PROCA1: variants seen among roughly 807,000 people sequenced by gnomAD.
PROCA1 encodes protein PROCA1.
A neutral mutation model predicts 23.2 loss-of-function variants in PROCA1; 22 were observed. The ratio of observed to expected loss-of-function variants is 0.95; its 90% CI spans 0.68 to 1.35. The LOEUF (loss-of-function observed/expected upper bound fraction) is 1.35. Ranked by LOEUF, PROCA1 falls within the 40% of genes most tolerant of loss-of-function variation. The pLI, the probability that PROCA1 is intolerant of heterozygous loss-of-function variation, is 0.00. For missense variants in PROCA1, 469 were observed against 459.8 expected (o/e 1.02, Z -0.18); for synonymous variants, 182 against 179.2 (o/e 1.02, Z -0.12).
In PROCA1 at chr17:28,703,605, C is replaced by T. The variant is rs751501990; in HGVS notation, c.1048G>A (p.Val350Ile). The part of the protein sequence containing the change: ...TGAKPSQARK[V>I]NKRKSPPGSN... ...CCTGGGGGAGATTTTCTCTTGTTTA[C>T]CTTCCTGGCTTGTGAGGGCTTTGCC... Residue 350 changes from valine to isoleucine, a missense_variant, in exon 5 of 5, where the codon GTA becomes ATA. Transcript: ENST00000682792. 48 of 1,614,096 alleles carry T rather than the reference C, an allele frequency of 3.0e-5. 3 individuals are homozygous for T. In the South Asian group the frequency reaches 5.3e-4, roughly 18 times the overall value.
intron 4 of PROCA1, 46 bp from the exon 5 acceptor site, chr17:28,704,258 A>G: frequency 6.3e-7 from 1 of 1,578,406 alleles, no homozygotes; most frequent in Admixed American, 1.8e-5. Flanking sequence ...AGTGGGGGGC[A>G]GTGCCCTGTA....
chr17:28,704,186 A>C lies in PROCA1; in HGVS notation c.467T>G (p.Val156Gly), dbSNP rs1209870349. Residue 156 changes from valine (V) to glycine (G), a missense_variant, in exon 5 of 5, where the codon GTG becomes GGG. Physicochemically the swap from Val to Gly is moderately radical, Grantham distance 109. Transcript: ENST00000682792. ...GWCKSYRPVS[V>G]AVIHHPLYHE... Reference sequence around the variant, plus strand: ...GTAGAGTGGATGGTGGATCACTGCCACAGAGACAGGTCTGTAGCTTTTGCA... The same window carrying C: ...GTAGAGTGGATGGTGGATCACTGCCCCAGAGACAGGTCTGTAGCTTTTGCA... 1.3e-6 allele frequency: 2 copies of C among 1,543,746 alleles called. No individual in the cohort carries two copies. Among genetic ancestry groups the C allele is most frequent in the Non-Finnish European group, 1.7e-6 (2 of 1,149,204 alleles).
chr17:28,704,489 A>T (rs1318356692), intron 3 of PROCA1, 54 bp from the exon 4 acceptor site: 1 of 1,581,580 alleles, frequency 6.3e-7, no homozygotes. Flanking sequence ...AGGGACCCAG[A>T]GCCAGAAGCC....
chr17:28,711,755 C>T lies in PROCA1; in HGVS notation c.-95G>A, dbSNP rs1214520251. ...CGAGCCCTCGGCCCAGCCGTGAACT[C>T]CAGTCTCGGCTTCGCCCCCGCCTAG... On this transcript the variant is annotated 5_prime_UTR_variant, in exon 1 of 5. An upstream open reading frame in the 5' UTR gains an earlier in-frame stop. Coordinates refer to ENST00000682792, the MANE Select transcript of PROCA1 (RefSeq NM_001366301.1). 9.2e-7 allele frequency: 1 copy of T among 1,087,906 alleles called. No homozygotes were observed. The highest frequency in any genetic ancestry group is 1.3e-6 in the Non-Finnish European group (1 of 781,612). 67.4% of individuals were successfully genotyped at this position (1,087,906 alleles called of 1,614,324 possible).
rs1212036139 is a variant in PROCA1 at position 28,703,758 on chromosome 17, T to C, written c.895A>G (p.Ser299Gly). The C allele has an allele frequency of 9.9e-6, 16 of 1,614,132 alleles. No individual in the cohort carries two copies. Among genetic ancestry groups the C allele is most frequent in the Non-Finnish European group, 1.4e-5 (16 of 1,180,034 alleles). ...LARMSESSPE[S>G]REELESEDSY... ...TCCTCGCTCTCCAGCTCTTCCCGGC[T>C]TTCTGGGCTGGACTCGGACATCCTG... The change falls in exon 5 of 5, where the codon AGC becomes GGC. Residue 299 changes from serine (S) to glycine (G), a missense_variant. Coordinates refer to ENST00000682792, the MANE Select transcript of PROCA1 (RefSeq NM_001366301.1).
intron 1 of PROCA1, chr17:28,711,103 C>T (rs915885154): frequency 3.4e-6 from 4 of 1,181,806 alleles, no homozygotes; most frequent in East Asian, 5.9e-5. Flanking sequence ...TCTGGCCTCG[C>T]CGCCGCGGAG....
intron 1 of PROCA1, among the ~76,000 whole-genome samples, chr17:28,708,078 C>G (rs1340167657): frequency 6.6e-6 from 1 of 152,016 alleles, no homozygotes; most frequent in Non-Finnish European, 1.5e-5. Context: ...GGTGGGATCT[C>G]GGCTTACTGC....
intron 2 of PROCA1, chr17:28,706,127 T>C (rs534288261): frequency 1.9e-5 from 3 of 156,246 alleles, no homozygotes; most frequent in Admixed American, 6.1e-5. Flanking sequence ...TGCTGACCCA[T>C]GGGTGATCTG....
At chr17:28,707,167 C>T (rs2032553833) in intron 1 of PROCA1, 2 of 229,448 alleles carry the variant, frequency 8.7e-6, no homozygotes, top group South Asian at 1.2e-4. Context: ...AGAAACTGTC[C>T]CAGGGTGTGT....
intron 1 of PROCA1, chr17:28,711,003 G>GGGAAGGGAGGGAAGGAGTAGGGCC: frequency 1.7e-6 from 2 of 1,209,544 alleles, no homozygotes; most frequent in Non-Finnish European, 2.1e-6. Context: ...GGAGTAGGGC[G>GGGAAGGGAGGGAAGGAGTAGGGCC]GGAAGGGAGG....
At chr17:28,711,470 G>A in intron 1 of PROCA1, 100 bp downstream of exon 1, 1 of 992,178 alleles carries the variant, frequency 1.0e-6, no homozygotes, top group South Asian at 1.6e-5. Context: ...TCGTTGGTTT[G>A]CCCGTCTCCC....
intron 1 of PROCA1, chr17:28,707,533 C>A (rs1213986387): frequency 6.6e-6 from 1 of 152,206 alleles, no homozygotes; most frequent in Non-Finnish European, 1.5e-5. Flanking sequence ...CAGATAATTT[C>A]ACCGCCATTA....
At chr17:28,711,478 C>G in intron 1 of PROCA1, 92 bp downstream of exon 1, 1 of 1,075,126 alleles carries the variant, frequency 9.3e-7, no homozygotes, top group Non-Finnish European at 1.3e-6. Context: ...TTGCCCGTCT[C>G]CCTCGTCGGT....
In PROCA1 at chr17:28,710,966, AAAGGAGTAGGGTGGGAAGGGAGGG is replaced by A. The variant is rs2032750645; in HGVS notation, c.91+580_91+603del. The A allele has an allele frequency of 8.3e-6, 6 of 724,978 alleles. No homozygotes were observed. The African/African-American group carries it at 1.1e-4, about 13-fold the overall frequency. The allele number at this position is 724,978 out of a possible 1,614,324, so 44.9% of individuals were successfully genotyped here. ...CTGGGGGTGGGCACCAGAGCAGCCGAAAGGAGTAGGGTGGGAAGGGAGGGAAGGAGTAGGGCGGGAAGGGAGGGA... is the reference window on the plus strand; with the variant it reads ...CTGGGGGTGGGCACCAGAGCAGCCGAAAGGAGTAGGGCGGGAAGGGAGGGA... On this transcript the variant is annotated intron_variant, in intron 1 of 4. Coordinates refer to ENST00000682792, the MANE Select transcript of PROCA1 (RefSeq NM_001366301.1).
rs1433598147 is a variant in PROCA1, at chr17:28,704,398, C to T, written c.349G>A (p.Gly117Ser). ...DSSEDSSSSR[G>S]AGPTCSHVIE... ...ACATGGGAGCAGGTTGGGCCCGCGC[C>T]CCGGGAGCTGCTGCTATCCTCTGAA... Residue 117 changes from glycine (G) to serine (S), a missense_variant, in exon 4 of 5, where the codon GGC (glycine) becomes AGC (serine). Transcript: ENST00000682792. The T allele has an allele frequency of 2.5e-6, 4 of 1,613,872 alleles. No homozygotes were observed. The highest frequency in any genetic ancestry group is 3.4e-6 in the Non-Finnish European group (4 of 1,179,980).
chr17:28,708,347 C>T (rs1009021181), intron 1 of PROCA1, among the ~76,000 whole-genome samples: 1 of 152,088 alleles, frequency 6.6e-6, no homozygotes, highest in African/African-American at 2.4e-5. Context: ...CTTCTGCAAA[C>T]TGTTCCTTGG....
intron 1 of PROCA1, chr17:28,711,098 C>T (rs993245655): frequency 2.1e-5 from 25 of 1,181,804 alleles, no homozygotes; most frequent in Admixed American, 1.1e-4. Flanking sequence ...GCCTCTCTGG[C>T]CTCGCCGCCG....
Position 28,709,250 on chromosome 17 carries a change from TTTTTG to T in PROCA1, c.91+2315_91+2319del, listed in dbSNP as rs1567718201. 6.6e-5 allele frequency among the ~76,000 whole-genome samples: 10 copies of T among 152,150 alleles called. No individual in the cohort carries two copies. In the South Asian group the frequency reaches 1.2e-3, roughly 19 times the overall value. On this transcript the variant is annotated intron_variant, in intron 1 of 4. Transcript: ENST00000682792. ...GTGAAGCTCCACAGCCAAGCCTTTT[TTTTTG>T]TTTTGTTTTGTTTTTCTTTTGAGAG...
intron 2 of PROCA1, 126 bp downstream of exon 2, chr17:28,706,554 G>T: frequency 3.7e-6 from 2 of 542,892 alleles, no homozygotes; most frequent in Non-Finnish European, 3.1e-6. Context: ...GATGGGTTGA[G>T]GATGGGGCAG....
Sources: gnomAD v4.1 joint callset for allele counts (sites outside exome capture counted in the v4.1 genomes callset) on GRCh38, gnomAD v4.1.1 for gene constraint, MANE v1.5 for transcripts, NCBI Gene and HGNC (gene_info 2026-07-23, HGNC 2026-07-21) for gene names.